The following SPIDR variants were observed in gnomAD, a reference collection of about 807,000 sequenced individuals.
SPIDR encodes the protein DNA repair-scaffolding protein.
A neutral mutation model predicts 104.6 loss-of-function variants in SPIDR; 93 were observed. The ratio of observed to expected loss-of-function variants is 0.89; its 90% CI spans 0.75 to 1.06. The LOEUF is 1.06. Among genes scored for constraint, SPIDR ranks in the 50% least tolerant of loss-of-function variants. SPIDR has a pLI of 0.00. For missense variants in SPIDR, 1,154 were observed against 1,111.2 expected (o/e 1.04, Z -0.55); for synonymous variants, 431 against 416.9 (o/e 1.03, Z -0.41).
intron 5 of SPIDR, among the ~76,000 whole-genome samples, chr8:47,310,285 G>T (rs782678525): frequency 6.8e-6 from 1 of 146,602 alleles, no homozygotes; most frequent in Non-Finnish European, 1.5e-5. Flanking sequence ...AGTGAGCTGA[G>T]ATCGCGCCGC....
intron 5 of SPIDR, among the ~76,000 whole-genome samples, chr8:47,366,064 C>A (rs2057152662): frequency 1.3e-5 from 2 of 151,912 alleles, no homozygotes; most frequent in Non-Finnish European, 2.9e-5. Context: ...GACATGAAGC[C>A]AAAGCAAGGT....
At chr8:47,349,945 C>G (rs905519951) in intron 5 of SPIDR, among the ~76,000 whole-genome samples, 2 of 152,200 alleles carry the variant, frequency 1.3e-5, no homozygotes, top group Admixed American at 1.3e-4. Flanking sequence ...GATGCCCCGC[C>G]CTGCTTCGGC....
At chr8:47,439,436 C>A (rs181281671) in intron 7 of SPIDR, among the ~76,000 whole-genome samples, 1 of 152,134 alleles carries the variant, frequency 6.6e-6, no homozygotes, top group African/African-American at 2.4e-5. Flanking sequence ...GATTCTTAGA[C>A]GTCTACTTCA....
At chr8:47,533,165 A>G (rs2086303673) in intron 8 of SPIDR, among the ~76,000 whole-genome samples, 1 of 152,234 alleles carries the variant, frequency 6.6e-6, no homozygotes, top group African/African-American at 2.4e-5. Context: ...CAGTAAATCT[A>G]AACTTCCACT....
intron 8 of SPIDR, among the ~76,000 whole-genome samples, chr8:47,574,659 A>G (rs2058873321): frequency 1.3e-5 from 2 of 151,750 alleles, no homozygotes; most frequent in African/African-American, 4.8e-5. Flanking sequence ...AGTGGCAGGC[A>G]CCTGTAATCC....
At chr8:47,337,489 CT>C (rs201149348) in intron 5 of SPIDR, among the ~76,000 whole-genome samples, 2 of 151,070 alleles carry the variant, frequency 1.3e-5, no homozygotes, top group Admixed American at 6.6e-5. Flanking sequence ...GTGTACAAGT[CT>C]TTTTTTTTCC....
At chr8:47,723,638 C>A (rs1416454013) in intron 16 of SPIDR, among the ~76,000 whole-genome samples, 4 of 152,080 alleles carry the variant, frequency 2.6e-5, no homozygotes, top group Non-Finnish European at 2.9e-5. Flanking sequence ...ACTGTGTTAG[C>A]CAGGATGGTC....
intron 5 of SPIDR, among the ~76,000 whole-genome samples, chr8:47,334,780 A>G (rs532849570): frequency 6.6e-6 from 1 of 152,172 alleles, no homozygotes; most frequent in South Asian, 2.1e-4. Context: ...ATTAATATCT[A>G]CCATATTTGT....
chr8:47,358,829 G>A (rs569736299), intron 5 of SPIDR, among the ~76,000 whole-genome samples: 3 of 152,236 alleles, frequency 2.0e-5, no homozygotes, highest in South Asian at 2.1e-4. Context: ...AAGTTAGGAC[G>A]TAGGATACAT....
chr8:47,458,548 AG>A, intron 8 of SPIDR, among the ~76,000 whole-genome samples: 1 of 151,648 alleles, frequency 6.6e-6, no homozygotes, highest in Non-Finnish European at 1.5e-5. Flanking sequence ...AGGAGTCTTT[AG>A]GGTTTTCTAG....
At chr8:47,694,838 A>G (rs1363207231) in intron 11 of SPIDR, among the ~76,000 whole-genome samples, 3 of 152,178 alleles carry the variant, frequency 2.0e-5, no homozygotes, top group Non-Finnish European at 4.4e-5. Flanking sequence ...ATATGAGTTA[A>G]TCAGTATTCA....
intron 8 of SPIDR, among the ~76,000 whole-genome samples, chr8:47,595,387 G>A (rs2061529932): frequency 6.6e-6 from 1 of 152,294 alleles, no homozygotes; most frequent in South Asian, 2.1e-4. Flanking sequence ...TGATAGCAAA[G>A]GTAGATGCTC....
At chr8:47,698,250 A>G (rs915881548) in intron 11 of SPIDR, among the ~76,000 whole-genome samples, 4 of 152,240 alleles carry the variant, frequency 2.6e-5, no homozygotes, top group Non-Finnish European at 5.9e-5. Flanking sequence ...TTTTTAAAGG[A>G]TCACTTTTTT....
chr8:47,562,840 C>T (rs970087318), intron 8 of SPIDR, among the ~76,000 whole-genome samples: 2 of 152,114 alleles, frequency 1.3e-5, no homozygotes, highest in Non-Finnish European at 1.5e-5. Context: ...CAAACTTCAC[C>T]CCTCCAGCTT....
At chr8:47,596,722 A>C (rs1269362432) in intron 9 of SPIDR, among the ~76,000 whole-genome samples, 1 of 152,170 alleles carries the variant, frequency 6.6e-6, no homozygotes, top group East Asian at 1.9e-4. Flanking sequence ...TATAAACTTT[A>C]AATTTTTCAT....
intron 7 of SPIDR, among the ~76,000 whole-genome samples, chr8:47,422,494 A>G (rs2065694735): frequency 6.6e-6 from 1 of 152,200 alleles, no homozygotes; most frequent in South Asian, 2.1e-4. Context: ...CCGATTTTCC[A>G]GGTGCCATCT....
At chr8:47,382,378 A>G (rs1554645908) in intron 5 of SPIDR, among the ~76,000 whole-genome samples, 1 of 152,220 alleles carries the variant, frequency 6.6e-6, no homozygotes, top group Non-Finnish European at 1.5e-5. Flanking sequence ...CAATTGAATT[A>G]TATAAAGCAT....
At chr8:47,721,475 C>CTT (rs751216278) in intron 16 of SPIDR, among the ~76,000 whole-genome samples, 3 of 143,976 alleles carry the variant, frequency 2.1e-5, no homozygotes, top group Admixed American at 7.0e-5. Flanking sequence ...ATTATTGAAA[C>CTT]TTTTTTTTTT....
intron 5 of SPIDR, among the ~76,000 whole-genome samples, chr8:47,300,745 T>C (rs587704379): frequency 6.6e-6 from 1 of 152,354 alleles, no homozygotes; most frequent in South Asian, 2.1e-4. Flanking sequence ...AGTTTCCATG[T>C]AGTTGAGCGG....
Sources: gnomAD v4.1 joint callset for allele counts (sites outside exome capture counted in the v4.1 genomes callset) on GRCh38, gnomAD v4.1.1 for gene constraint, MANE v1.5 for transcripts, NCBI Gene and HGNC (gene_info 2026-07-23, HGNC 2026-07-21) for gene names.